The following FARS2 variants were observed in gnomAD, a reference collection of about 807,000 sequenced individuals.
The protein encoded by FARS2 is phenylalanyl-tRNA synthetase 2, mitochondrial, also known as phenylalanine--tRNA ligase, mitochondrial.
A neutral mutation model predicts 46.4 loss-of-function variants in FARS2; 40 were observed. The ratio of observed to expected loss-of-function variants is 0.86; its 90% CI spans 0.67 to 1.12. The LOEUF (loss-of-function observed/expected upper bound fraction) is 1.12. Among genes scored for constraint, FARS2 ranks in the 50% most tolerant of loss-of-function variants. The pLI is 0.00. For synonymous variants in FARS2, 234 were observed against 214.9 expected (o/e 1.09, Z -0.78); for missense variants, 513 against 567.9 (o/e 0.90, Z 0.98).
chr6:5,383,402 G>C (rs1759912410), intron 2 of FARS2, among the ~76,000 whole-genome samples: 3 of 152,178 alleles, frequency 2.0e-5, no homozygotes, highest in Admixed American at 2.0e-4. Context: ...GAAAATGTTT[G>C]TTTTTATAGC....
At chr6:5,690,432 G>T (rs56150830) in intron 6 of FARS2, among the ~76,000 whole-genome samples, 13,818 of 150,346 alleles carry the variant, frequency 0.092, 2,164 homozygotes, top group African/African-American at 0.32. Context: ...GTCTGTAAAG[G>T]ATTTTATTTC....
intron 3 of FARS2, among the ~76,000 whole-genome samples, chr6:5,426,689 A>T (rs1381984259): frequency 2.0e-5 from 3 of 152,128 alleles, no homozygotes; most frequent in Non-Finnish European, 4.4e-5. Context: ...GCAGTGGCGC[A>T]ATCTTGGCTC....
chr6:5,568,999 G>A (rs941665811), intron 5 of FARS2, among the ~76,000 whole-genome samples: 4 of 151,932 alleles, frequency 2.6e-5, no homozygotes, highest in Non-Finnish European at 4.4e-5. Context: ...CTAAATTGGG[G>A]TCTGGCTGCC....
rs1373727297 is a variant in FARS2, at chr6:5,311,713, G to T, written c.-22+50053G>T. ...GGGTGTCTTATTTAGCTAAGACTAG[G>T]ACCATGTGCTCTTTTTTTTGGCATG... On this transcript the variant is annotated intron_variant, in intron 1 of 6. Coordinates refer to ENST00000274680, the MANE Select transcript of FARS2 (RefSeq NM_006567.5). This position sits in a 1 kb window ranked among gnomAD's most constrained non-coding sequence, Gnocchi z 4.1. Among the ~76,000 whole-genome samples the T allele has an allele frequency of 2.0e-5, 3 of 152,110 alleles. No homozygotes were observed. Among genetic ancestry groups the T allele is most frequent in the Non-Finnish European group, 4.4e-5 (3 of 68,014 alleles).
intron 4 of FARS2, among the ~76,000 whole-genome samples, chr6:5,536,083 A>T (rs1770176664): frequency 7.7e-6 from 1 of 129,658 alleles, no homozygotes; most frequent in Non-Finnish European, 1.6e-5. Context: ...ACGGAGTCTC[A>T]CTCTGTCGCC....
At chr6:5,668,488 T>A (rs949277784) in intron 6 of FARS2, among the ~76,000 whole-genome samples, 4 of 152,192 alleles carry the variant, frequency 2.6e-5, no homozygotes, top group African/African-American at 7.2e-5. Context: ...GAAAGTGAAT[T>A]CCTGAACTTC....
intron 6 of FARS2, among the ~76,000 whole-genome samples, chr6:5,769,215 T>C (rs1762903989): frequency 6.6e-6 from 1 of 152,234 alleles, no homozygotes; most frequent in Admixed American, 6.5e-5. Context: ...GTTGTCTCAG[T>C]ATCAATTGTT....
intron 6 of FARS2, among the ~76,000 whole-genome samples, chr6:5,691,800 G>A (rs1342724534): frequency 6.6e-6 from 1 of 152,196 alleles, no homozygotes; most frequent in Non-Finnish European, 1.5e-5. Flanking sequence ...AGTCTACAGA[G>A]GCAGGCAGAC....
intron 4 of FARS2, among the ~76,000 whole-genome samples, chr6:5,527,878 C>G (rs1306065262): frequency 6.6e-6 from 1 of 152,168 alleles, no homozygotes; most frequent in African/African-American, 2.4e-5. Flanking sequence ...CTTAACAATA[C>G]TTAATTCTGA....
chr6:5,407,373 A>G (rs904527987), intron 3 of FARS2, among the ~76,000 whole-genome samples: 7 of 152,098 alleles, frequency 4.6e-5, no homozygotes, highest in African/African-American at 1.7e-4. Context: ...GTTGTAATTT[A>G]TTAAGCCTCT....
chr6:5,615,878 C>T (rs968802125), intron 6 of FARS2, among the ~76,000 whole-genome samples: 3 of 151,792 alleles, frequency 2.0e-5, no homozygotes, highest in Non-Finnish European at 4.4e-5. Flanking sequence ...CTCATCTCTT[C>T]GATTTTCTTG....
rs17140540 is a variant in FARS2 at position 5,471,196 on chromosome 6, G to A, written c.904+40024G>A. On this transcript the variant is annotated intron_variant, in intron 4 of 6. Coordinates refer to ENST00000274680, the MANE Select transcript of FARS2 (RefSeq NM_006567.5). The surrounding 1 kb of genome is among the most constrained non-coding windows in gnomAD (Gnocchi z 4.1). ...CATAATAGTGGAGCCTGCACCAAAC[G>A]TCTTTCATTTGAGGAGCTAAAAATG... Among the ~76,000 whole-genome samples, 3,217 of 152,292 alleles carry A rather than the reference G, an allele frequency of 0.021. 99 individuals are homozygous for A. The highest frequency in any genetic ancestry group is 0.073 in the African/African-American group (3,046 of 41,550).
chr6:5,526,040 C>A, intron 4 of FARS2, among the ~76,000 whole-genome samples: 1 of 152,192 alleles, frequency 6.6e-6, no homozygotes, highest in East Asian at 1.9e-4. Context: ...TAGTATCTAT[C>A]CAATAAGATT....
Position 5,286,673 on chromosome 6 carries a change from T to G in FARS2, c.-22+25013T>G, listed in dbSNP as rs148699023. Among the ~76,000 whole-genome samples the G allele has an allele frequency of 8.3e-4, 127 of 152,332 alleles. 1 individual carries two copies. Among genetic ancestry groups the G allele is most frequent in the African/African-American group, 3.0e-3 (124 of 41,566 alleles). ...GAGTGTGTGTGTATTATATACATAA[T>G]TATATTCAATGCGATTTATAAAATA... On this transcript the variant is annotated intron_variant, in intron 1 of 6. Coordinates refer to ENST00000274680, the MANE Select transcript of FARS2 (RefSeq NM_006567.5).
intron 2 of FARS2, among the ~76,000 whole-genome samples, chr6:5,390,192 T>TA (rs1760414319): frequency 6.6e-6 from 1 of 152,186 alleles, no homozygotes; most frequent in South Asian, 2.1e-4. Context: ...TTCCAGTACT[T>TA]ACCTTGCTTG....
intron 2 of FARS2, among the ~76,000 whole-genome samples, chr6:5,377,345 TTCTCCAG>T (rs1759447449): frequency 6.6e-6 from 1 of 152,224 alleles, no homozygotes; most frequent in African/African-American, 2.4e-5. Context: ...CCGCAGGTTG[TTCTCCAG>T]TCTTGGCTGC....
intron 6 of FARS2, among the ~76,000 whole-genome samples, chr6:5,692,991 A>G (rs1485791434): frequency 2.0e-5 from 3 of 152,172 alleles, no homozygotes; most frequent in East Asian, 1.9e-4. Context: ...AGTCAATACC[A>G]TATTTCCCTT....
chr6:5,544,331 C>T (rs1172586406), intron 4 of FARS2, among the ~76,000 whole-genome samples: 1 of 152,186 alleles, frequency 6.6e-6, no homozygotes, highest in East Asian at 1.9e-4. Context: ...GGAGTTTACA[C>T]AAGGCATGTG....
intron 2 of FARS2, among the ~76,000 whole-genome samples, chr6:5,399,809 G>C (rs536678176): frequency 6.6e-6 from 1 of 151,948 alleles, no homozygotes; most frequent in Non-Finnish European, 1.5e-5. Flanking sequence ...GATCTTCCTC[G>C]TTCTTTATTA....
Sources: allele counts gnomAD v4.1 joint callset (sites outside exome capture counted in the v4.1 genomes callset), GRCh38; gene constraint gnomAD v4.1.1; non-coding constraint Gnocchi (gnomAD v3.1); transcripts MANE v1.5; gene names NCBI Gene and HGNC (gene_info 2026-07-23, HGNC 2026-07-21).